SHANK2: variants seen among roughly 807,000 people sequenced by gnomAD.
SHANK2 encodes the protein SH3 and multiple ankyrin repeat domains protein 2.
SHANK2 carries 43 observed loss-of-function variants against 133.7 expected under a neutral mutation model. The observed-to-expected ratio is 0.32, with a 90% CI of 0.25 to 0.41. The LOEUF (loss-of-function observed/expected upper bound fraction) is 0.41, where lower values mean the gene tolerates loss of function less well. Among genes scored for constraint, SHANK2 ranks in the 10% least tolerant of loss-of-function variants. The pLI, the probability that SHANK2 is intolerant of heterozygous loss-of-function variation, is 1.00. For missense variants in SHANK2, 1,994 were observed against 2,235.8 expected (o/e 0.89, Z 2.18); for synonymous variants, 1,017 against 952.8 (o/e 1.07, Z -1.24).
chr11:70,484,353 A>G (rs979954636), intron 25 of SHANK2, among the ~76,000 whole-genome samples: 5 of 152,160 alleles, frequency 3.3e-5, no homozygotes, highest in African/African-American at 1.2e-4. Context: ...GCTACTGTAC[A>G]TAGTGAGCTC....
At chr11:70,477,259 AAGAAAC>A (rs1319467401) in intron 25 of SHANK2, 16 of 152,254 alleles carry the variant, frequency 1.1e-4, no homozygotes, top group Non-Finnish European at 1.3e-4. Flanking sequence ...ACAAGAAAGG[AAGAAAC>A]AGAAAAAAGC....
At chr11:70,494,692 C>T (rs1197774785) in intron 21 of SHANK2, among the ~76,000 whole-genome samples, 1 of 152,212 alleles carries the variant, frequency 6.6e-6, no homozygotes, top group South Asian at 2.1e-4. Context: ...TACCATGGGG[C>T]CCTTCAGGGA....
At chr11:70,692,772 G>T (rs1433599460) in intron 15 of SHANK2, among the ~76,000 whole-genome samples, 5 of 152,170 alleles carry the variant, frequency 3.3e-5, no homozygotes, top group Non-Finnish European at 7.4e-5. Context: ...GGGCTGTGAG[G>T]CTCGAAAGCC....
At chr11:70,664,191 C>A (rs1376537994) in intron 15 of SHANK2, among the ~76,000 whole-genome samples, 1 of 152,156 alleles carries the variant, frequency 6.6e-6, no homozygotes, top group Non-Finnish European at 1.5e-5. Context: ...GTCTCCACGG[C>A]CCCCCACAAC....
At chr11:70,887,974 C>T (rs527561063) in intron 11 of SHANK2, among the ~76,000 whole-genome samples, 8 of 152,298 alleles carry the variant, frequency 5.3e-5, no homozygotes, top group Middle Eastern at 3.4e-3. Flanking sequence ...GGACAGGCCT[C>T]GCTTCATCCA....
Position 70,598,505 on chromosome 11 carries a change from A to T in SHANK2, c.2061+61323T>A, listed in dbSNP as rs551563918. Among the ~76,000 whole-genome samples the T allele has an allele frequency of 3.3e-5, 5 of 152,338 alleles. No individual in the cohort carries two copies. In the East Asian group the frequency reaches 9.6e-4, roughly 29 times the overall value. On this transcript the variant is annotated intron_variant, in intron 17 of 25. Coordinates refer to ENST00000601538, the MANE Select transcript of SHANK2 (RefSeq NM_012309.5). ...GCAGGGTCAAGCCATCGCAGAAGGA[A>T]CACATAATTCTAACCCGAACAATGT...
intron 10 of SHANK2, among the ~76,000 whole-genome samples, chr11:70,928,149 T>C (rs544013020): frequency 6.6e-6 from 1 of 152,320 alleles, no homozygotes; most frequent in South Asian, 2.1e-4. Flanking sequence ...ACAAGGCCTG[T>C]CGACACCACA....
intron 10 of SHANK2, among the ~76,000 whole-genome samples, chr11:70,904,991 C>T (rs782508061): frequency 4.6e-5 from 7 of 152,078 alleles, no homozygotes; most frequent in Admixed American, 2.6e-4. Context: ...TTATCGGCAG[C>T]GTGAAAATGG....
intron 17 of SHANK2, among the ~76,000 whole-genome samples, chr11:70,576,371 A>T (rs1205252347): frequency 6.6e-6 from 1 of 151,986 alleles, no homozygotes; most frequent in East Asian, 1.9e-4. Flanking sequence ...ACCCACACTC[A>T]TGCCTGTAAT....
chr11:71,141,907 C>A (rs1555105875), intron 3 of SHANK2, among the ~76,000 whole-genome samples: 1 of 152,052 alleles, frequency 6.6e-6, no homozygotes, highest in Non-Finnish European at 1.5e-5. Context: ...CACAGGGACC[C>A]CGCACAGACA....
At chr11:70,716,623 C>T (rs1426073135) in intron 14 of SHANK2, among the ~76,000 whole-genome samples, 1 of 152,142 alleles carries the variant, frequency 6.6e-6, no homozygotes, top group Non-Finnish European at 1.5e-5. Flanking sequence ...ACCCGCCCTC[C>T]GCCCCTGGCC....
intron 2 of SHANK2, among the ~76,000 whole-genome samples, chr11:71,152,076 CA>C (rs67110332): frequency 4.6e-5 from 7 of 151,608 alleles, no homozygotes; most frequent in Non-Finnish European, 1.0e-4. Context: ...TCAGATTTGA[CA>C]AAAAAAACGT....
intron 15 of SHANK2, among the ~76,000 whole-genome samples, chr11:70,688,475 G>A (rs1295610476): frequency 4.6e-5 from 7 of 152,236 alleles, no homozygotes. Flanking sequence ...GCCCAGCCAA[G>A]CCAGCAGCCC....
At chr11:70,745,127 C>T (rs1212422257) in intron 14 of SHANK2, among the ~76,000 whole-genome samples, 2 of 152,238 alleles carry the variant, frequency 1.3e-5, no homozygotes, top group African/African-American at 2.4e-5. Context: ...TACCCGACCT[C>T]CAACTCAGGG....
intron 17 of SHANK2, among the ~76,000 whole-genome samples, chr11:70,597,194 C>T (rs1208304745): frequency 6.6e-6 from 1 of 152,124 alleles, no homozygotes; most frequent in Non-Finnish European, 1.5e-5. Context: ...TCCTGGCACT[C>T]ATGCCAGGCT....
intron 11 of SHANK2, among the ~76,000 whole-genome samples, chr11:70,890,141 G>A (rs1555074352): frequency 6.6e-6 from 1 of 152,124 alleles, no homozygotes; most frequent in Non-Finnish European, 1.5e-5. Context: ...CCCCCAAAGG[G>A]CCTGGGACAT....
intron 17 of SHANK2, among the ~76,000 whole-genome samples, chr11:70,564,227 C>T (rs1554981408): frequency 6.6e-6 from 1 of 151,758 alleles, no homozygotes; most frequent in African/African-American, 2.4e-5. Flanking sequence ...AAAAAGTTCC[C>T]TCATTATTTC....
rs551951271 is a variant in SHANK2 at position 71,128,101 on chromosome 11, G to A, written c.208-9069C>T. 7.2e-5 allele frequency among the ~76,000 whole-genome samples: 11 copies of A among 152,334 alleles called. No individual in the cohort carries two copies. In the East Asian group the frequency reaches 9.6e-4, roughly 13 times the overall value. ...ACAAGGAGCTGCTCCGACTGCCCAC[G>A]GCCCTCAGGCCAGCTGACTGGCCCT... On this transcript the variant is annotated intron_variant, in intron 3 of 25. Transcript: ENST00000601538.
chr11:70,725,927 C>T (rs1946171870), intron 14 of SHANK2, among the ~76,000 whole-genome samples: 1 of 152,228 alleles, frequency 6.6e-6, no homozygotes, highest in Admixed American at 6.5e-5. Context: ...GTTGTTCTAA[C>T]TGCTCTGCCT....
Sources: allele counts gnomAD v4.1 joint callset (sites outside exome capture counted in the v4.1 genomes callset), GRCh38; gene constraint gnomAD v4.1.1; transcripts MANE v1.5; gene names NCBI Gene and HGNC (gene_info 2026-07-23, HGNC 2026-07-21).